Variants in CTNNA2 observed in about 807,000 individuals in gnomAD.
CTNNA2 encodes the protein catenin alpha-2.
CTNNA2 carries 42 observed loss-of-function variants against 101.0 expected under a neutral mutation model. That is an observed-to-expected ratio of 0.42 (90% CI 0.32 to 0.54). The LOEUF (loss-of-function observed/expected upper bound fraction) is 0.54. CTNNA2 is among the 20% of genes least tolerant of loss of function. CTNNA2 has a pLI of 0.14. For missense variants in CTNNA2, 871 were observed against 1,223.1 expected (o/e 0.71, Z 4.29); for synonymous variants, 450 against 456.4 (o/e 0.99, Z 0.18).
chr2:79,572,548 T>A (rs1675522150), intron 1 of CTNNA2, among the ~76,000 whole-genome samples: 1 of 152,136 alleles, frequency 6.6e-6, no homozygotes, highest in Admixed American at 6.5e-5. Context: ...GGTCAGGAGT[T>A]TGAGACCAGC....
intron 2 of CTNNA2, among the ~76,000 whole-genome samples, chr2:79,671,485 C>G (rs997664231): frequency 1.4e-5 from 2 of 143,960 alleles, no homozygotes; most frequent in Admixed American, 6.9e-5. Flanking sequence ...GACCTAGATA[C>G]TTTCATATGA....
intron 2 of CTNNA2, among the ~76,000 whole-genome samples, chr2:79,270,758 T>C (rs748054411): frequency 1.4e-4 from 21 of 152,096 alleles, no homozygotes; most frequent in Admixed American, 7.9e-4. Flanking sequence ...ATTTCTTTGT[T>C]ACTAGCTCCA....
At chr2:79,670,474 G>A (rs1682760798) in intron 2 of CTNNA2, among the ~76,000 whole-genome samples, 1 of 152,176 alleles carries the variant, frequency 6.6e-6, no homozygotes, top group Non-Finnish European at 1.5e-5. Context: ...TGACTCCATG[G>A]AGTGTGCAGA....
chr2:80,200,393 T>G (rs1243976824), intron 7 of CTNNA2, among the ~76,000 whole-genome samples: 1 of 152,162 alleles, frequency 6.6e-6, no homozygotes, highest in Non-Finnish European at 1.5e-5. Flanking sequence ...CTCACTATCA[T>G]TATGCTGTGT....
chr2:79,394,467 A>G (rs1017852879), intron 4 of CTNNA2, among the ~76,000 whole-genome samples: 1 of 152,224 alleles, frequency 6.6e-6, no homozygotes, highest in Non-Finnish European at 1.5e-5. Context: ...GAAACCTAAC[A>G]ATCAAAAATA....
rs544387675 is a variant in CTNNA2 at position 79,407,816 on chromosome 2, C to T, written c.-135+33803C>T. On this transcript the variant is annotated intron_variant, in intron 4 of 21. Transcript: ENST00000466387. The stretch of plus-strand genomic sequence containing the variant: ...GCCTGACAAAGGGTTGTATCCATCT[C>T]AATCCTGCTACCTTAAGGAAATGCT... Among the ~76,000 whole-genome samples, 15 of 152,166 alleles carry T rather than the reference C, an allele frequency of 9.9e-5. No individual in the cohort carries two copies. In the South Asian group the frequency reaches 2.9e-3, roughly 29 times the overall value.
intron 14 of CTNNA2, chr2:80,586,231 G>A (rs1490121403): frequency 2.0e-5 from 3 of 152,200 alleles, no homozygotes; most frequent in Non-Finnish European, 4.4e-5. Flanking sequence ...GCAAAGCAAA[G>A]CAGTTAATAT....
intron 3 of CTNNA2, among the ~76,000 whole-genome samples, chr2:79,754,939 G>C (rs1672295491): frequency 6.6e-6 from 1 of 152,118 alleles, no homozygotes; most frequent in Non-Finnish European, 1.5e-5. Flanking sequence ...TCCTAGGTAA[G>C]AGAAGGGAAG....
intron 14 of CTNNA2, among the ~76,000 whole-genome samples, chr2:80,588,057 C>G (rs1696127231): frequency 6.6e-6 from 1 of 152,188 alleles, no homozygotes; most frequent in Non-Finnish European, 1.5e-5. Context: ...AGCTGCCAGT[C>G]AAGACATTTT....
intron 7 of CTNNA2, among the ~76,000 whole-genome samples, chr2:79,973,345 T>C (rs149450811): frequency 1.9e-3 from 289 of 152,230 alleles, no homozygotes; most frequent in African/African-American, 6.7e-3. Flanking sequence ...TGAAGCGAAG[T>C]TGGCCCTGAG....
At chr2:79,564,881 C>T (rs1286282793) in intron 1 of CTNNA2, among the ~76,000 whole-genome samples, 1 of 152,028 alleles carries the variant, frequency 6.6e-6, no homozygotes, top group Non-Finnish European at 1.5e-5. Flanking sequence ...GTCCTTCAGT[C>T]CTTTCATATA....
chr2:79,991,514 A>C (rs1159711954), intron 7 of CTNNA2, among the ~76,000 whole-genome samples: 3 of 152,322 alleles, frequency 2.0e-5, no homozygotes, highest in East Asian at 3.9e-4. Flanking sequence ...CAGCTCGCAG[A>C]GTTGTTGTGA....
intron 2 of CTNNA2, among the ~76,000 whole-genome samples, chr2:79,220,460 C>T (rs1282485754): frequency 1.3e-5 from 2 of 152,054 alleles, no homozygotes; most frequent in Non-Finnish European, 2.9e-5. Flanking sequence ...CTCCAGGAAG[C>T]CTCAGGCCTC....
At chr2:79,872,558 C>T (rs1682673686) in intron 5 of CTNNA2, among the ~76,000 whole-genome samples, 1 of 152,044 alleles carries the variant, frequency 6.6e-6, no homozygotes, top group Non-Finnish European at 1.5e-5. Context: ...ATCTCTGGGG[C>T]TCAAATTAGA....
At chr2:80,633,501 G>A (rs1337890850) in intron 18 of CTNNA2, among the ~76,000 whole-genome samples, 1 of 152,124 alleles carries the variant, frequency 6.6e-6, no homozygotes, top group Non-Finnish European at 1.5e-5. Flanking sequence ...ACTCACGCTT[G>A]TGAACAGTTA....
chr2:79,340,372 A>C (rs949474176), intron 3 of CTNNA2, among the ~76,000 whole-genome samples: 13 of 152,204 alleles, frequency 8.5e-5, no homozygotes, highest in Non-Finnish European at 1.6e-4. Flanking sequence ...ACTTATTCTG[A>C]CCATAGACAA....
chr2:80,139,486 A>T (rs1475135410), intron 7 of CTNNA2, among the ~76,000 whole-genome samples: 1 of 151,986 alleles, frequency 6.6e-6, no homozygotes, highest in Non-Finnish European at 1.5e-5. Flanking sequence ...ACTGCTTAGG[A>T]TCTGTCTGTA....
At chr2:79,608,091 T>C (rs1678019683) in intron 1 of CTNNA2, among the ~76,000 whole-genome samples, 1 of 151,994 alleles carries the variant, frequency 6.6e-6, no homozygotes, top group Admixed American at 6.6e-5. Context: ...GGTTTCATCA[T>C]GAACAGGTCT....
rs987350139 is a variant in CTNNA2 at position 79,589,982 on chromosome 2, C to T, written c.-5-61570C>T. 4.6e-5 allele frequency among the ~76,000 whole-genome samples: 7 copies of T among 152,300 alleles called. 1 individual carries two copies. Among genetic ancestry groups the T allele is most frequent in the African/African-American group, 7.2e-5 (3 of 41,574 alleles). On this transcript the variant is annotated intron_variant, in intron 1 of 18. Coordinates refer to ENST00000402739, the MANE Select transcript of CTNNA2 (RefSeq NM_001282597.3). ...GTCAATGATTTTACTGTTGATGACA[C>T]TTTGTTTTCCGTAATTGTTACTAGG...
Sources: allele counts gnomAD v4.1 joint callset (sites outside exome capture counted in the v4.1 genomes callset), GRCh38; gene constraint gnomAD v4.1.1; transcripts MANE v1.5; gene names NCBI Gene and HGNC (gene_info 2026-07-23, HGNC 2026-07-21).